The following AKAP6 variants were observed in gnomAD, a reference collection of about 807,000 sequenced individuals.
AKAP6 encodes A-kinase anchor protein 6.
Under a neutral mutation model 188.5 loss-of-function variants are expected in AKAP6, and 58 were observed. The ratio of observed to expected loss-of-function variants is 0.31; its 90% CI spans 0.25 to 0.38. The LOEUF (loss-of-function observed/expected upper bound fraction) is 0.38, where lower values mean the gene tolerates loss of function less well. Ranked by LOEUF, AKAP6 falls within the 10% of genes least tolerant of loss-of-function variation. The probability of loss-of-function intolerance (pLI) is 1.00; values close to 1 mark genes in which losing one functional copy is unlikely to be tolerated. For synonymous variants in AKAP6, 989 were observed against 998.6 expected, an observed-to-expected ratio of 0.99 and a Z score of 0.18; for missense variants, 2,710 against 2,740.0, an observed-to-expected ratio of 0.99 and a Z score of 0.24.
intron 7 of AKAP6, among the ~76,000 whole-genome samples, chr14:32,608,499 CAAAA>C (rs34523121): frequency 1.9e-5 from 2 of 105,048 alleles, no homozygotes. Flanking sequence ...GAGTCTGTCT[CAAAA>C]AAAAAAAAAA....
intron 7 of AKAP6, among the ~76,000 whole-genome samples, chr14:32,647,831 G>A (rs1315569829): frequency 1.3e-5 from 2 of 152,034 alleles, no homozygotes; most frequent in Non-Finnish European, 2.9e-5. Flanking sequence ...GTTATTCAGA[G>A]CACAAACATA....
intron 11 of AKAP6, among the ~76,000 whole-genome samples, chr14:32,747,844 C>T (rs987129112): frequency 2.6e-5 from 4 of 152,146 alleles, no homozygotes; most frequent in Non-Finnish European, 4.4e-5. Flanking sequence ...GAAGAAGATG[C>T]TGAATGATTC....
At chr14:32,698,364 A>G (rs777107207) in intron 9 of AKAP6, among the ~76,000 whole-genome samples, 4 of 152,198 alleles carry the variant, frequency 2.6e-5, no homozygotes, top group Middle Eastern at 3.2e-3. Flanking sequence ...TGTTGATCAT[A>G]GAGACCCCTG....
intron 1 of AKAP6, among the ~76,000 whole-genome samples, chr14:32,398,864 T>G (rs1001323553): frequency 2.8e-5 from 4 of 144,068 alleles, no homozygotes; most frequent in Non-Finnish European, 6.1e-5. Context: ...TTTTTTTTTT[T>G]TTTTTTTGAT....
rs1189290071 is a variant in AKAP6 at position 32,834,487 on chromosome 14, A to G, written c.*4682A>G. 1 of 151,034 alleles carries G rather than the reference A, an allele frequency of 6.6e-6. No individual in the cohort carries two copies. The highest frequency in any genetic ancestry group is 1.5e-5 in the Non-Finnish European group (1 of 67,858). The allele number at this position is 151,034 out of a possible 1,614,324, so 9.4% of individuals were successfully genotyped here. A position where few individuals can be genotyped will look rare whatever the true frequency, so the allele number is the denominator to read the frequency against. ...TCCTCTTATAGTTGTTTTTGTTTTA[A>G]TACAGTATTCAAACAAAGATCACAC... On this transcript the variant is annotated 3_prime_UTR_variant, in exon 14 of 14. Transcript: ENST00000280979.
intron 8 of AKAP6, among the ~76,000 whole-genome samples, chr14:32,686,023 C>T (rs1437530350): frequency 6.6e-6 from 1 of 152,100 alleles, no homozygotes; most frequent in African/African-American, 2.4e-5. Context: ...AATAGCCAAG[C>T]TTTGGAAGCA....
chr14:32,621,531 A>G (rs1886814716), intron 7 of AKAP6, among the ~76,000 whole-genome samples: 1 of 152,034 alleles, frequency 6.6e-6, no homozygotes, highest in East Asian at 1.9e-4. Flanking sequence ...CTGTAGTCTG[A>G]TAAGTTACAG....
At chr14:32,520,819 A>C (rs1881789735) in intron 2 of AKAP6, among the ~76,000 whole-genome samples, 1 of 152,228 alleles carries the variant, frequency 6.6e-6, no homozygotes, top group Admixed American at 6.5e-5. Flanking sequence ...ATAGAAAAAG[A>C]GGGAATCCTC....
chr14:32,488,755 C>A (rs530683413), intron 2 of AKAP6, among the ~76,000 whole-genome samples: 1 of 152,234 alleles, frequency 6.6e-6, no homozygotes, highest in African/African-American at 2.4e-5. Flanking sequence ...CACTCGTGGC[C>A]CTAGGGGAGG....
At chr14:32,726,981 C>T (rs1197680978) in intron 9 of AKAP6, among the ~76,000 whole-genome samples, 1 of 151,966 alleles carries the variant, frequency 6.6e-6, no homozygotes, top group African/African-American at 2.4e-5. Context: ...TGGATATGCC[C>T]TAAACAGTAT....
intron 1 of AKAP6, among the ~76,000 whole-genome samples, chr14:32,387,382 G>A (rs1888566842): frequency 6.6e-6 from 1 of 151,648 alleles, no homozygotes; most frequent in Non-Finnish European, 1.5e-5. Flanking sequence ...TTCTCAGAGG[G>A]AATGCTTTCA....
At chr14:32,482,592 CT>C (rs1253722446) in intron 2 of AKAP6, among the ~76,000 whole-genome samples, 2 of 152,114 alleles carry the variant, frequency 1.3e-5, no homozygotes, top group African/African-American at 4.8e-5. Context: ...TACTTACTGT[CT>C]TTTCCTGTTT....
chr14:32,407,120 A>T (rs552453579), intron 1 of AKAP6, among the ~76,000 whole-genome samples: 1 of 152,214 alleles, frequency 6.6e-6, no homozygotes, highest in Admixed American at 6.5e-5. Context: ...CTACGTCCAC[A>T]TGTCACAGGA....
intron 12 of AKAP6, among the ~76,000 whole-genome samples, chr14:32,792,083 AG>A (rs1566714809): frequency 6.6e-6 from 1 of 152,150 alleles, no homozygotes; most frequent in African/African-American, 2.4e-5. Context: ...CTTTTTGCTT[AG>A]GATTGTCTGG....
intron 7 of AKAP6, among the ~76,000 whole-genome samples, chr14:32,610,284 C>T (rs990417765): frequency 6.6e-6 from 1 of 152,180 alleles, no homozygotes; most frequent in Admixed American, 6.5e-5. Context: ...ATTCTAGCTG[C>T]TTAGTTAAGA....
At chr14:32,395,116 T>G (rs144792519) in intron 1 of AKAP6, among the ~76,000 whole-genome samples, 1 of 152,074 alleles carries the variant, frequency 6.6e-6, no homozygotes, top group East Asian at 1.9e-4. Flanking sequence ...ATCCCATGTA[T>G]ACAATAATGG....
chr14:32,431,379 C>T (rs1035835532), intron 1 of AKAP6, among the ~76,000 whole-genome samples: 27 of 152,100 alleles, frequency 1.8e-4, no homozygotes, highest in Admixed American at 3.9e-4. Context: ...ATTCAGGTGG[C>T]GAAGGCTGTT....
At chr14:32,469,675 C>CTT (rs3032351) in intron 2 of AKAP6, among the ~76,000 whole-genome samples, 101,255 of 145,222 alleles carry the variant, frequency 0.7, 35,582 homozygotes, top group African/African-American at 0.79. Context: ...AAAAGAATGT[C>CTT]TTTTTTTTTT....
intron 9 of AKAP6, among the ~76,000 whole-genome samples, chr14:32,732,215 CTTGAGT>C: frequency 1.3e-5 from 2 of 151,902 alleles, no homozygotes; most frequent in Admixed American, 1.3e-4. Flanking sequence ...TGTGTATAAA[CTTGAGT>C]TTAAGAAGTA....
Sources: allele counts gnomAD v4.1 joint callset (sites outside exome capture counted in the v4.1 genomes callset), GRCh38; gene constraint gnomAD v4.1.1; transcripts MANE v1.5; gene names NCBI Gene and HGNC (gene_info 2026-07-23, HGNC 2026-07-21).